HMCN1: variants seen among roughly 807,000 people sequenced by gnomAD.
The protein encoded by HMCN1 is hemicentin-1.
HMCN1 carries 321 observed loss-of-function variants against 625.9 expected under a neutral mutation model. The ratio of observed to expected loss-of-function variants is 0.51; its 90% CI spans 0.47 to 0.56. The LOEUF (loss-of-function observed/expected upper bound fraction) is 0.56, where lower values mean the gene tolerates loss of function less well. Ranked by LOEUF, HMCN1 falls within the 20% of genes least tolerant of loss-of-function variation. The pLI, the probability that HMCN1 is intolerant of heterozygous loss-of-function variation, is 0.00. For missense variants in HMCN1, 6,588 were observed against 6,887.3 expected (o/e 0.96, Z 1.54); for synonymous variants, 2,425 against 2,417.6 (o/e 1.00, Z -0.09).
At chr1:185,891,459 C>T (rs1323478851) in intron 4 of HMCN1, among the ~76,000 whole-genome samples, 1 of 148,170 alleles carries the variant, frequency 6.7e-6, no homozygotes, top group Non-Finnish European at 1.5e-5. Flanking sequence ...CCGGTTGTTC[C>T]TTTCATGTTT....
In HMCN1 at chr1:186,053,921, T is replaced by C; in HGVS notation, c.6797T>C (p.Leu2266Pro). Reference protein sequence around the residue: ...ISIAEKSDAALYSCVASNVAG... With the variant: ...ISIAEKSDAAPYSCVASNVAG... Reference sequence around the variant, plus strand: ...ATTGCTGAAAAGTCTGATGCAGCACTCTATTCATGTGTGGCGTCGAATGTT... The same window carrying C: ...ATTGCTGAAAAGTCTGATGCAGCACCCTATTCATGTGTGGCGTCGAATGTT... The change falls in exon 44 of 107, where the codon CTC (leucine) becomes CCC (proline). Residue 2266 changes from leucine (L) to proline (P), a missense_variant. Leu to Pro is a moderately conservative substitution (Grantham distance 98). Coordinates refer to ENST00000271588, the MANE Select transcript of HMCN1 (RefSeq NM_031935.3). 1.2e-6 allele frequency: 2 copies of C among 1,612,806 alleles called. No individual in the cohort carries two copies. The highest frequency in any genetic ancestry group is 1.1e-5 in the South Asian group (1 of 91,062).
intron 1 of HMCN1, among the ~76,000 whole-genome samples, chr1:185,830,314 G>C (rs55731570): frequency 0.04 from 6,016 of 152,102 alleles, 399 homozygotes; most frequent in African/African-American, 0.13. Flanking sequence ...TGTCATGAAG[G>C]CTTTGCCCGT....
chr1:185,775,280 G>C (rs956699952), intron 1 of HMCN1, among the ~76,000 whole-genome samples: 2 of 152,176 alleles, frequency 1.3e-5, no homozygotes, highest in Non-Finnish European at 2.9e-5. Flanking sequence ...GCACACACCT[G>C]TAGTCCCAGC....
intron 1 of HMCN1, among the ~76,000 whole-genome samples, chr1:185,844,701 A>G (rs879468212): frequency 2.6e-5 from 4 of 152,198 alleles, no homozygotes; most frequent in Non-Finnish European, 5.9e-5. Context: ...AGAATTTAAG[A>G]TGATATATCT....
At chr1:185,935,002 T>G (rs1354048350) in intron 11 of HMCN1, among the ~76,000 whole-genome samples, 1 of 152,156 alleles carries the variant, frequency 6.6e-6, no homozygotes, top group African/African-American at 2.4e-5. Context: ...GTTGCTTTTG[T>G]AAATGATTCA....
chr1:185,847,769 T>C lies in HMCN1; in HGVS notation c.339+1673T>C, dbSNP rs78855172. Among the ~76,000 whole-genome samples, 6 of 151,972 alleles carry C rather than the reference T, an allele frequency of 3.9e-5. No homozygotes were observed. In the East Asian group the frequency reaches 9.7e-4, roughly 25 times the overall value. On this transcript the variant is annotated intron_variant, in intron 2 of 106. Coordinates refer to ENST00000271588, the MANE Select transcript of HMCN1 (RefSeq NM_031935.3). ...GGAGTTTGAGACCAGCCTGGGCGCA[T>C]AGTGAGACCCTGTCTCTAAAAGAGA... is the stretch of plus-strand genomic sequence containing the variant.
chr1:186,009,607 G>C (rs944632141), intron 30 of HMCN1, among the ~76,000 whole-genome samples: 1 of 152,104 alleles, frequency 6.6e-6, no homozygotes, highest in South Asian at 2.1e-4. Context: ...TTACTGCTAT[G>C]AGAATGAAGC....
chr1:186,181,903 C>T (rs775715567), intron 104 of HMCN1, among the ~76,000 whole-genome samples: 19 of 151,974 alleles, frequency 1.3e-4, no homozygotes, highest in Non-Finnish European at 2.4e-4. Context: ...AAAATTGACC[C>T]GTTTGGGACT....
chr1:186,168,945 G>A (rs1652058183), intron 100 of HMCN1, among the ~76,000 whole-genome samples: 1 of 151,984 alleles, frequency 6.6e-6, no homozygotes, highest in Admixed American at 6.6e-5. Context: ...AGGCCCTGGT[G>A]CCTGATATTC....
chr1:186,076,512 A>G lies in HMCN1; in HGVS notation c.8375A>G (p.Asn2792Ser). 6.2e-7 allele frequency: 1 copy of G among 1,613,810 alleles called. No homozygotes were observed. Among genetic ancestry groups the G allele is most frequent in the Non-Finnish European group, 8.5e-7 (1 of 1,179,830 alleles). ...RNGEAKDVII[N>S]NPISLYCETN... ...GGTGAAGCCAAAGATGTGATCATCA[A>G]CAATCCCATTTCTCTTTACTGTGAG... Residue 2792 changes from asparagine (N) to serine (S), a missense_variant, in exon 54 of 107, where the codon AAC (asparagine) becomes AGC (serine). Around this residue, in one of 3 missense-constraint regions of HMCN1, gnomAD observed 4,628 missense variants for 4,853.1 expected, o/e 0.95. Coordinates refer to ENST00000271588, the MANE Select transcript of HMCN1 (RefSeq NM_031935.3).
intron 1 of HMCN1, among the ~76,000 whole-genome samples, chr1:185,749,864 A>G (rs1341035446): frequency 6.6e-6 from 1 of 152,150 alleles, no homozygotes; most frequent in African/African-American, 2.4e-5. Flanking sequence ...ATTATTTCTT[A>G]CATGTCAGGC....
At chr1:186,120,518 A>G (rs1442153413) in intron 80 of HMCN1, among the ~76,000 whole-genome samples, 4 of 152,244 alleles carry the variant, frequency 2.6e-5, no homozygotes, top group Non-Finnish European at 4.4e-5. Context: ...TCATAATCGC[A>G]GTTAAACCAA....
rs566734147 is a variant in HMCN1, at chr1:185,792,171, T to G, written c.269-53855T>G. Among the ~76,000 whole-genome samples, 7 of 152,326 alleles carry G rather than the reference T, an allele frequency of 4.6e-5. No individual in the cohort carries two copies. The South Asian group carries it at 1.2e-3, about 27-fold the overall frequency. ...CTCTGAAGGTAGTGTGGTGATAAGATTGGTTATCTTACCTTGTAAGGGGCC... is the reference window on the plus strand; with the variant it reads ...CTCTGAAGGTAGTGTGGTGATAAGAGTGGTTATCTTACCTTGTAAGGGGCC... On this transcript the variant is annotated intron_variant, in intron 1 of 106. Coordinates refer to ENST00000271588, the MANE Select transcript of HMCN1 (RefSeq NM_031935.3).
chr1:185,759,232 A>G (rs1466032624), intron 1 of HMCN1, among the ~76,000 whole-genome samples: 1 of 152,182 alleles, frequency 6.6e-6, no homozygotes, highest in Non-Finnish European at 1.5e-5. Context: ...TAACTATATC[A>G]GTAATATGAG....
rs552882901 is a variant in HMCN1, at chr1:185,886,521, A to T, written c.621+20658A>T. Among the ~76,000 whole-genome samples, 41 of 152,146 alleles carry T rather than the reference A, an allele frequency of 2.7e-4. 1 individual carries two copies. The South Asian group carries it at 8.5e-3, about 32-fold the overall frequency. ...TCTCTTACTTGCACAAACTGTATTT[A>T]TAGATAAAAATATATATTCAGATTT... On this transcript the variant is annotated intron_variant, in intron 4 of 106. Coordinates refer to ENST00000271588, the MANE Select transcript of HMCN1 (RefSeq NM_031935.3).
At chr1:185,834,208 A>T (rs60307030) in intron 1 of HMCN1, among the ~76,000 whole-genome samples, 5,902 of 152,298 alleles carry the variant, frequency 0.039, 395 homozygotes, top group African/African-American at 0.13. Context: ...TGCATAAAAA[A>T]GTATTCCAAA....
chr1:186,061,764 T>G, intron 46 of HMCN1, 87 bp from the exon 47 acceptor site: 1 of 816,294 alleles, frequency 1.2e-6, no homozygotes, highest in Non-Finnish European at 2.0e-6. Context: ...TGATTAAATT[T>G]TTACCGAAAT....
chr1:186,115,160 G>T, intron 74 of HMCN1, 98 bp from the exon 75 acceptor site: 2 of 1,474,982 alleles, frequency 1.4e-6, no homozygotes, highest in Non-Finnish European at 1.9e-6. Context: ...TAACTATGAG[G>T]CAAGTTAATA....
intron 97 of HMCN1, among the ~76,000 whole-genome samples, chr1:186,162,613 G>T (rs2102610018): frequency 6.6e-6 from 1 of 152,276 alleles, no homozygotes; most frequent in South Asian, 2.1e-4. Flanking sequence ...CTTTCTGTTT[G>T]TTAGTTTTCC....
Sources: gnomAD v4.1 joint callset for allele counts (sites outside exome capture counted in the v4.1 genomes callset) on GRCh38, gnomAD v4.1.1 for gene constraint, gnomAD v4.1.1 regional missense constraint, MANE v1.5 for transcripts, NCBI Gene and HGNC (gene_info 2026-07-23, HGNC 2026-07-21) for gene names.